TAFA2: variants seen among roughly 807,000 people sequenced by gnomAD.
TAFA2 encodes TAFA chemokine like family member 2, also known as chemokine-like protein TAFA-2.
In TAFA2, 7 loss-of-function variants were observed where a neutral mutation model predicts 18.8. That is an observed-to-expected ratio of 0.37 (90% CI 0.21 to 0.70). The LOEUF (loss-of-function observed/expected upper bound fraction) is 0.70. Among genes scored for constraint, TAFA2 ranks in the 30% least tolerant of loss-of-function variants. The pLI, the probability that TAFA2 is intolerant of heterozygous loss-of-function variation, is 0.53. For missense variants in TAFA2, 122 were observed against 158.1 expected, an observed-to-expected ratio of 0.77 and a Z score of 1.23; for synonymous variants, 60 against 54.2, an observed-to-expected ratio of 1.11 and a Z score of -0.47.
intron 1 of TAFA2, among the ~76,000 whole-genome samples, chr12:62,070,988 C>A (rs1245254510): frequency 2.0e-5 from 3 of 152,132 alleles, no homozygotes; most frequent in African/African-American, 7.2e-5. Flanking sequence ...GAAGTTAAGT[C>A]CTGTTTAAGA....
intron 1 of TAFA2, among the ~76,000 whole-genome samples, chr12:62,038,410 A>G (rs1311578821): frequency 6.6e-6 from 1 of 152,198 alleles, no homozygotes; most frequent in Non-Finnish European, 1.5e-5. Flanking sequence ...GACTGAAAAT[A>G]TTCAGAAAAG....
chr12:62,001,697 T>A (rs1880381328), intron 1 of TAFA2, among the ~76,000 whole-genome samples: 1 of 152,092 alleles, frequency 6.6e-6, no homozygotes, highest in Non-Finnish European at 1.5e-5. Context: ...GCTCACCCCC[T>A]GCTGTGTCGC....
intron 2 of TAFA2, among the ~76,000 whole-genome samples, chr12:61,787,939 T>C (rs185760509): frequency 1.3e-5 from 2 of 151,700 alleles, no homozygotes; most frequent in Non-Finnish European, 1.5e-5. Context: ...GACTCAACTG[T>C]GTGCTGCTTA....
intron 4 of TAFA2, among the ~76,000 whole-genome samples, chr12:61,734,551 G>A (rs1017060655): frequency 2.6e-5 from 4 of 151,956 alleles, no homozygotes; most frequent in African/African-American, 4.8e-5. Flanking sequence ...AATATTTGAA[G>A]CACAGAGAAA....
At chr12:62,157,845 G>A (rs573565896) in intron 1 of TAFA2, among the ~76,000 whole-genome samples, 8 of 152,076 alleles carry the variant, frequency 5.3e-5, no homozygotes, top group Non-Finnish European at 7.4e-5. Flanking sequence ...TGTCTCTTAC[G>A]TCTTCCCGCT....
At chr12:61,735,147 G>T (rs1479711853) in intron 4 of TAFA2, among the ~76,000 whole-genome samples, 2 of 151,936 alleles carry the variant, frequency 1.3e-5, no homozygotes, top group Non-Finnish European at 2.9e-5. Flanking sequence ...TCATTTATGT[G>T]GTTTCCTCCT....
chr12:62,205,147 C>T (rs1271059510), intron 1 of TAFA2, among the ~76,000 whole-genome samples: 1 of 152,216 alleles, frequency 6.6e-6, no homozygotes, highest in East Asian at 1.9e-4. Flanking sequence ...CCTCCTGCAC[C>T]TGTAGGTATC....
chr12:62,130,307 T>A (rs1018547757), intron 1 of TAFA2, among the ~76,000 whole-genome samples: 5 of 152,088 alleles, frequency 3.3e-5, no homozygotes, highest in African/African-American at 1.2e-4. Context: ...AGACTTTCTC[T>A]TGCTGTTGCA....
intron 1 of TAFA2, among the ~76,000 whole-genome samples, chr12:61,935,542 C>T (rs1056948236): frequency 6.6e-6 from 1 of 152,106 alleles, no homozygotes; most frequent in Non-Finnish European, 1.5e-5. Context: ...TACTTACCTT[C>T]ATTATGGAAT....
chr12:61,722,561 T>C (rs1311642187), intron 4 of TAFA2, among the ~76,000 whole-genome samples: 2 of 152,208 alleles, frequency 1.3e-5, no homozygotes, highest in African/African-American at 4.8e-5. Context: ...GTTTTTTGTT[T>C]TTCTGTTTTT....
At chr12:61,915,837 A>T (rs1565679985) in intron 1 of TAFA2, among the ~76,000 whole-genome samples, 1 of 152,216 alleles carries the variant, frequency 6.6e-6, no homozygotes, top group East Asian at 1.9e-4. Context: ...ATGCCCATCC[A>T]CATTGGTGAG....
At chr12:61,883,621 G>C (rs2121278391) in intron 1 of TAFA2, among the ~76,000 whole-genome samples, 1 of 152,282 alleles carries the variant, frequency 6.6e-6, no homozygotes, top group Middle Eastern at 3.4e-3. Context: ...GAATATTGAA[G>C]AAGGGATTAT....
chr12:61,717,176 G>A (rs1231143214), intron 4 of TAFA2, among the ~76,000 whole-genome samples: 1 of 151,944 alleles, frequency 6.6e-6, no homozygotes, highest in Non-Finnish European at 1.5e-5. Context: ...TTAAGCTTGA[G>A]AAAAGCTGCC....
intron 1 of TAFA2, among the ~76,000 whole-genome samples, chr12:62,074,713 T>C (rs1882718301): frequency 7.4e-6 from 1 of 135,630 alleles, no homozygotes; most frequent in Admixed American, 7.9e-5. Flanking sequence ...TTTTTTTTTT[T>C]TTTTTTGAGA....
intron 1 of TAFA2, among the ~76,000 whole-genome samples, chr12:62,222,431 T>G (rs1425817272): frequency 6.6e-6 from 1 of 152,154 alleles, no homozygotes; most frequent in Admixed American, 6.5e-5. Context: ...AAAATACTGC[T>G]GAAGTGTAAG....
chr12:61,836,004 C>T (rs1872904179), intron 2 of TAFA2, among the ~76,000 whole-genome samples: 1 of 151,814 alleles, frequency 6.6e-6, no homozygotes. Context: ...CCTTAATCAA[C>T]TTACAATTAT....
At chr12:62,059,634 C>A (rs1434003418) in intron 1 of TAFA2, among the ~76,000 whole-genome samples, 1 of 152,150 alleles carries the variant, frequency 6.6e-6, no homozygotes, top group African/African-American at 2.4e-5. Flanking sequence ...AATGAAGGAG[C>A]AAGCCATGTG....
At chr12:62,189,992 A>C (rs1197444139) in intron 1 of TAFA2, among the ~76,000 whole-genome samples, 1 of 122,682 alleles carries the variant, frequency 8.2e-6, no homozygotes, top group Non-Finnish European at 1.7e-5. Flanking sequence ...GTGGTTTTTA[A>C]GGTTTTTTTT....
chr12:61,809,683 C>A (rs1238478730), intron 2 of TAFA2, among the ~76,000 whole-genome samples: 1 of 151,286 alleles, frequency 6.6e-6, no homozygotes, highest in Non-Finnish European at 1.5e-5. Context: ...TTCTTCCAGA[C>A]TTTATGTCTT....
Sources: allele counts gnomAD v4.1 joint callset (sites outside exome capture counted in the v4.1 genomes callset), GRCh38; gene constraint gnomAD v4.1.1; transcripts MANE v1.5; gene names NCBI Gene and HGNC (gene_info 2026-07-23, HGNC 2026-07-21).